ZNRF3: variants seen among roughly 807,000 people sequenced by gnomAD.
ZNRF3 encodes E3 ubiquitin-protein ligase ZNRF3.
Under a neutral mutation model 72.5 loss-of-function variants are expected in ZNRF3, and 23 were observed. The ratio of observed to expected loss-of-function variants is 0.32; its 90% confidence interval spans 0.23 to 0.45. The LOEUF is 0.45. Among genes scored for constraint, ZNRF3 ranks in the 20% least tolerant of loss-of-function variants. The pLI, the probability that ZNRF3 is intolerant of heterozygous loss-of-function variation, is 1.00. For missense variants in ZNRF3, 1,169 were observed against 1,272.1 expected, an observed-to-expected ratio of 0.92 and a Z score of 1.23; for synonymous variants, 610 against 545.3, an observed-to-expected ratio of 1.12 and a Z score of -1.65.
At chr22:28,900,865 G>A (rs1429773432) in intron 1 of ZNRF3, among the ~76,000 whole-genome samples, 1 of 152,124 alleles carries the variant, frequency 6.6e-6, no homozygotes. Context: ...ACCAGCTTTA[G>A]GAGGCTGAGG....
chr22:28,944,970 A>ATAC (rs2035025200), intron 1 of ZNRF3, among the ~76,000 whole-genome samples: 7 of 150,822 alleles, frequency 4.6e-5, no homozygotes, highest in Admixed American at 4.6e-4. Context: ...AATAATAATA[A>ATAC]TACTCATACT....
chr22:28,927,883 C>A (rs1456491307), intron 1 of ZNRF3, among the ~76,000 whole-genome samples: 2 of 152,200 alleles, frequency 1.3e-5, no homozygotes, highest in Non-Finnish European at 2.9e-5. Context: ...GCATTGGGCT[C>A]CTATGGCTTC....
intron 1 of ZNRF3, among the ~76,000 whole-genome samples, chr22:28,922,624 C>T (rs1569247006): frequency 2.0e-5 from 3 of 152,140 alleles, no homozygotes; most frequent in Non-Finnish European, 4.4e-5. Flanking sequence ...AAAGGTGGAT[C>T]CACCTGTATG....
At chr22:28,989,809 T>TA (rs1225918074) in intron 2 of ZNRF3, among the ~76,000 whole-genome samples, 1 of 152,156 alleles carries the variant, frequency 6.6e-6, no homozygotes, top group Non-Finnish European at 1.5e-5. Flanking sequence ...CCCGCGTACT[T>TA]ACAGACAATG....
rs2037178541 is a variant in ZNRF3 at position 29,050,424 on chromosome 22, G to A, written c.2243G>A (p.Gly748Glu). Residue 748 changes from glycine to glutamate, a missense_variant, in exon 8 of 9, where the codon GGG becomes GAG. Physicochemically the swap from Gly to Glu is moderately conservative, Grantham distance 98. Transcript: ENST00000544604. ...HLYEGSGPAG[G>E]EPQSGSSQGL... ...TACGAGGGCTCTGGCCCGGCGGGTG[G>A]GGAGCCCCAGTCAGGAAGCTCCCAG... The A allele has an allele frequency of 6.2e-7, 1 of 1,608,364 alleles. No homozygotes were observed. The highest frequency in any genetic ancestry group is 2.2e-5 in the East Asian group (1 of 44,738).
Position 29,049,755 on chromosome 22 carries a change from G to T in ZNRF3, c.1574G>T (p.Ser525Ile). The T allele has an allele frequency of 6.3e-7, 1 of 1,594,298 alleles. No individual in the cohort carries two copies. The highest frequency in any genetic ancestry group is 1.1e-5 in the South Asian group (1 of 89,284). The change falls in exon 8 of 9, where the codon AGC (serine) becomes ATC (isoleucine). Residue 525 changes from serine (S) to isoleucine (I), a missense_variant. Coordinates refer to ENST00000544604, the MANE Select transcript of ZNRF3 (RefSeq NM_001206998.2). The surrounding 1 kb of genome is among the most constrained non-coding windows in gnomAD (Gnocchi z 5.2). ...VAPPSHLESGSTSSFSCYHGH... is the reference protein window; with the variant it reads ...VAPPSHLESGITSSFSCYHGH... Reference sequence around the variant, plus strand: ...CCGCCCTCCCACCTGGAGAGCGGCAGCACGTCCAGCTTCAGCTGCTATCAC... The same window carrying T: ...CCGCCCTCCCACCTGGAGAGCGGCATCACGTCCAGCTTCAGCTGCTATCAC...
intron 1 of ZNRF3, among the ~76,000 whole-genome samples, chr22:28,921,509 A>G (rs1337330339): frequency 2.0e-5 from 3 of 152,154 alleles, no homozygotes; most frequent in Non-Finnish European, 2.9e-5. Context: ...CCATCTTTCA[A>G]TGCTGCTGCC....
In ZNRF3 at chr22:29,050,631, G is replaced by C; in HGVS notation, c.2450G>C (p.Gly817Ala). ...ACGCTCACCGAGGAACCACCGCCCG[G>C]CTGCTACCCCGGGGCCCGGGACCTG... ...QYTLTEEPPP[G>A]CYPGARDLSQ... Residue 817 changes from glycine to alanine, a missense_variant, in exon 8 of 9, where the codon GGC becomes GCC. Gly to Ala is a moderately conservative substitution (Grantham distance 60). Coordinates refer to ENST00000544604, the MANE Select transcript of ZNRF3 (RefSeq NM_001206998.2). 6.2e-7 allele frequency: 1 copy of C among 1,611,476 alleles called. No homozygotes were observed.
chr22:28,987,207 C>G lies in ZNRF3; in HGVS notation c.426+6C>G, dbSNP rs1489706661. 3.7e-6 allele frequency: 6 copies of G among 1,605,156 alleles called. No individual in the cohort carries two copies. Among genetic ancestry groups the G allele is most frequent in the Non-Finnish European group, 4.2e-6 (5 of 1,177,382 alleles). On this transcript the variant is annotated splice_donor_region_variant and intron_variant, in intron 2 of 8. Transcript: ENST00000544604. ...GCCTCACTGTCCTAGGCAAGGTAAG[C>G]ACCAGGCCCTTGGAATCACTGTGTT...
At position 29,050,929 on chromosome 22, in the gene ZNRF3, C is replaced by T. The variant is rs760378251; in HGVS notation, c.2748C>T (p.Thr916=). The change falls in exon 8 of 9, where the codon ACC becomes ACT. Residue 916 remains threonine, a synonymous_variant. Transcript: ENST00000544604. ...SALQDTQESS[T]TATEAAGPRS... is the part of the protein sequence containing the mutation. ...TCCAGGACACTCAGGAGTCCAGCAC[C>T]ACTGCCACTGAGGCTGCAGGTGAGA... 3 of 1,521,932 alleles carry T rather than the reference C, an allele frequency of 2.0e-6. No homozygotes were observed. Among genetic ancestry groups the T allele is most frequent in the South Asian group, 2.6e-5 (2 of 78,256 alleles). The allele number at this position is 1,521,932 out of a possible 1,614,324, so 94.3% of individuals were successfully genotyped here. A position where few individuals can be genotyped will look rare whatever the true frequency, so the allele number is the denominator to read the frequency against.
At chr22:28,937,128 T>G (rs2034833363) in intron 1 of ZNRF3, among the ~76,000 whole-genome samples, 1 of 147,870 alleles carries the variant, frequency 6.8e-6, no homozygotes, top group Non-Finnish European at 1.5e-5. Flanking sequence ...GGCCATACAT[T>G]TGAAGACGAA....
intron 2 of ZNRF3, among the ~76,000 whole-genome samples, chr22:29,001,022 C>T (rs1358437706): frequency 2.0e-5 from 3 of 149,270 alleles, no homozygotes; most frequent in African/African-American, 7.4e-5. Context: ...AACTCCTGGC[C>T]TCATGATCCT....
intron 2 of ZNRF3, among the ~76,000 whole-genome samples, chr22:29,009,659 C>T (rs2036315937): frequency 6.6e-6 from 1 of 151,904 alleles, no homozygotes; most frequent in Non-Finnish European, 1.5e-5. Context: ...TTTTATATAC[C>T]TGAATTAAAA....
chr22:28,896,101 C>T (rs2033989913), intron 1 of ZNRF3, among the ~76,000 whole-genome samples: 1 of 151,588 alleles, frequency 6.6e-6, no homozygotes, highest in Non-Finnish European at 1.5e-5. Flanking sequence ...CAGGCGTCCA[C>T]CATCACGCCC....
intron 2 of ZNRF3, among the ~76,000 whole-genome samples, chr22:29,041,395 G>A (rs2036959592): frequency 6.6e-6 from 1 of 152,106 alleles, no homozygotes; most frequent in East Asian, 1.9e-4. Flanking sequence ...CTTAAGTCTT[G>A]TTTTTCCACA....
chr22:29,032,104 T>C (rs2036772226), intron 2 of ZNRF3, among the ~76,000 whole-genome samples: 1 of 152,212 alleles, frequency 6.6e-6, no homozygotes, highest in Non-Finnish European at 1.5e-5. Flanking sequence ...CGCTGTATGG[T>C]GTGGCCATAT....
At chr22:28,989,710 C>A (rs540307767) in intron 2 of ZNRF3, among the ~76,000 whole-genome samples, 2 of 152,116 alleles carry the variant, frequency 1.3e-5, no homozygotes, top group East Asian at 3.9e-4. Context: ...CCGCTGCAGG[C>A]GGGCCAGGCA....
rs185749970 is a variant in ZNRF3, at chr22:29,010,726, A to G, written c.426+23525A>G. 1.8e-4 allele frequency among the ~76,000 whole-genome samples: 28 copies of G among 152,172 alleles called. No individual in the cohort carries two copies. In the East Asian group the frequency reaches 5.0e-3, roughly 27 times the overall value. ...CACTCTGCACCCAGGCTGGAGTGCA[A>G]TGCTACCATCTCAACTCACTGCAAC... On this transcript the variant is annotated intron_variant, in intron 2 of 8. Transcript: ENST00000544604.
intron 1 of ZNRF3, among the ~76,000 whole-genome samples, chr22:28,903,906 AGGCT>A (rs1418817609): frequency 4.6e-5 from 7 of 152,108 alleles, no homozygotes; most frequent in African/African-American, 1.7e-4. Flanking sequence ...TGTGTCTGAG[AGGCT>A]CAGCCAGAAT....
Sources: allele counts gnomAD v4.1 joint callset (sites outside exome capture counted in the v4.1 genomes callset), GRCh38; gene constraint gnomAD v4.1.1; non-coding constraint Gnocchi (gnomAD v3.1); transcripts MANE v1.5; gene names NCBI Gene and HGNC (gene_info 2026-07-23, HGNC 2026-07-21).